PDCL3: variants seen among roughly 807,000 people sequenced by gnomAD.
PDCL3 encodes phosducin like 3.
PDCL3 carries 22 observed loss-of-function variants against 26.5 expected under a neutral mutation model. The observed-to-expected ratio is 0.83, with a 90% CI of 0.59 to 1.19. PDCL3 has a LOEUF of 1.19. Ranked by LOEUF, PDCL3 falls within the 50% of genes most tolerant of loss-of-function variation. The probability of loss-of-function intolerance (pLI) is 0.00; values close to 1 mark genes in which losing one functional copy is unlikely to be tolerated. For synonymous variants in PDCL3, 81 were observed against 104.9 expected (o/e 0.77, Z 1.39); for missense variants, 246 against 294.1 (o/e 0.84, Z 1.20).
intron 1 of PDCL3, among the ~76,000 whole-genome samples, chr2:100,564,065 A>G (rs2104389642): frequency 6.7e-6 from 1 of 149,692 alleles, no homozygotes; most frequent in East Asian, 2.0e-4. Context: ...GCGTGCACCC[A>G]CCACTCTGGG....
At chr2:100,574,153 G>A (rs1675235239) in intron 5 of PDCL3, among the ~76,000 whole-genome samples, 3 of 152,168 alleles carry the variant, frequency 2.0e-5, no homozygotes, top group East Asian at 1.9e-4. Context: ...ACAGGCATGT[G>A]CCACCATGCC....
At chr2:100,575,378 G>A (rs577991128) in intron 5 of PDCL3, among the ~76,000 whole-genome samples, 63 of 152,186 alleles carry the variant, frequency 4.1e-4, no homozygotes, top group South Asian at 1.5e-3. Flanking sequence ...TTCGTGATCC[G>A]CCCACCTTGG....
intron 4 of PDCL3, among the ~76,000 whole-genome samples, 189 bp downstream of exon 4, chr2:100,569,910 T>C (rs1675134245): frequency 6.6e-6 from 1 of 152,038 alleles, no homozygotes; most frequent in Non-Finnish European, 1.5e-5. Flanking sequence ...ATCAAGACCA[T>C]CCTGGCTGAC....
At chr2:100,575,291 A>G (rs28680927) in intron 5 of PDCL3, among the ~76,000 whole-genome samples, 1,849 of 152,210 alleles carry the variant, frequency 0.012, 36 homozygotes, top group African/African-American at 0.04. Context: ...ACCTGCCACC[A>G]TGCCTGGCTA....
chr2:100,564,389 C>T (rs774902263), intron 1 of PDCL3, among the ~76,000 whole-genome samples: 38 of 152,188 alleles, frequency 2.5e-4, no homozygotes, highest in Admixed American at 1.3e-3. Context: ...CTCCGCCTCT[C>T]CAGTTCACGC....
intron 1 of PDCL3, among the ~76,000 whole-genome samples, chr2:100,566,092 A>G (rs1675054356): frequency 6.6e-6 from 1 of 152,056 alleles, no homozygotes; most frequent in South Asian, 2.1e-4. Flanking sequence ...TTCAGTAGAG[A>G]CGGGGTTTCA....
intron 1 of PDCL3, among the ~76,000 whole-genome samples, chr2:100,565,188 T>C (rs527319060): frequency 6.6e-6 from 1 of 152,256 alleles, no homozygotes; most frequent in East Asian, 1.9e-4. Context: ...GTCTGGTCTT[T>C]TAACTCCTGA....
At chr2:100,570,891 C>T (rs1334412740) in intron 4 of PDCL3, among the ~76,000 whole-genome samples, 1 of 152,182 alleles carries the variant, frequency 6.6e-6, no homozygotes, top group African/African-American at 2.4e-5. Flanking sequence ...TACATTGAAG[C>T]TGTTTTTCTG....
chr2:100,566,655 C>G (rs1675068054), intron 2 of PDCL3, 26 bp downstream of exon 2: 1 of 1,612,728 alleles, frequency 6.2e-7, no homozygotes, highest in East Asian at 2.2e-5. Flanking sequence ...TTCCTCTGCA[C>G]CTGTCTGGGT....
intron 5 of PDCL3, among the ~76,000 whole-genome samples, chr2:100,574,961 G>T (rs1675250571): frequency 6.6e-6 from 1 of 152,080 alleles, no homozygotes; most frequent in African/African-American, 2.4e-5. Flanking sequence ...AGCCAGGTGT[G>T]GTGGTGCACA....
chr2:100,570,707 A>G (rs1573281530), intron 4 of PDCL3, among the ~76,000 whole-genome samples: 1 of 151,684 alleles, frequency 6.6e-6, no homozygotes, highest in Admixed American at 6.6e-5. Flanking sequence ...TGAACTCCTG[A>G]CCTCATGATC....
At chr2:100,563,392 C>T (rs1205041905) in intron 1 of PDCL3, 1 of 340,754 alleles carries the variant, frequency 2.9e-6, no homozygotes, top group Admixed American at 5.1e-5. Flanking sequence ...TACCTCCTCT[C>T]CTGAACTCCC....
chr2:100,573,519 C>G (rs975843244), intron 5 of PDCL3, among the ~76,000 whole-genome samples: 4 of 151,640 alleles, frequency 2.6e-5, no homozygotes, highest in African/African-American at 9.7e-5. Context: ...ACTGAAAATA[C>G]AAAAAATTAG....
chr2:100,568,450 G>T (rs915382542), intron 2 of PDCL3, among the ~76,000 whole-genome samples: 2 of 152,156 alleles, frequency 1.3e-5, no homozygotes, highest in African/African-American at 4.8e-5. Flanking sequence ...TGGCCAACAT[G>T]GTGAAACCCT....
intron 1 of PDCL3, among the ~76,000 whole-genome samples, chr2:100,564,274 G>A (rs965090511): frequency 6.7e-6 from 1 of 148,436 alleles, no homozygotes; most frequent in Admixed American, 6.7e-5. Context: ...CTGTAGAAAG[G>A]ATTCTGCTCT....
At chr2:100,567,361 C>T (rs1675077083) in intron 2 of PDCL3, among the ~76,000 whole-genome samples, 1 of 152,056 alleles carries the variant, frequency 6.6e-6, no homozygotes, top group African/African-American at 2.4e-5. Flanking sequence ...TATGCATAAG[C>T]CAGAGACAAT....
intron 5 of PDCL3, chr2:100,572,088 TGA>T (rs1675189346): frequency 2.7e-6 from 1 of 368,638 alleles, no homozygotes; most frequent in African/African-American, 2.1e-5. Flanking sequence ...TTTTGTAGCT[TGA>T]AATCACAACA....
At chr2:100,564,543 G>T (rs1484371959) in intron 1 of PDCL3, among the ~76,000 whole-genome samples, 3 of 152,010 alleles carry the variant, frequency 2.0e-5, no homozygotes, top group Non-Finnish European at 4.4e-5. Context: ...TGATCTGCCC[G>T]CCTAGGCCTT....
chr2:100,563,099 G>A (rs375430453), intron 1 of PDCL3, 26 bp downstream of exon 1: 14 of 1,596,010 alleles, frequency 8.8e-6, no homozygotes, highest in East Asian at 6.8e-5. Context: ...TCTCGGGTCT[G>A]GGGGCTGCGG....
Sources: gnomAD v4.1 joint callset for allele counts (sites outside exome capture counted in the v4.1 genomes callset) on GRCh38, gnomAD v4.1.1 for gene constraint, MANE v1.5 for transcripts, NCBI Gene and HGNC (gene_info 2026-07-23, HGNC 2026-07-21) for gene names.